DLGAP1: variants seen among roughly 807,000 people sequenced by gnomAD.
DLGAP1 encodes DLG associated protein 1.
A neutral mutation model predicts 90.8 loss-of-function variants in DLGAP1; 11 were observed. The ratio of observed to expected loss-of-function variants is 0.12; its 90% CI spans 0.08 to 0.20. The LOEUF (loss-of-function observed/expected upper bound fraction) is 0.20, where lower values mean the gene tolerates loss of function less well. Ranked by LOEUF, DLGAP1 falls within the 10% of genes least tolerant of loss-of-function variation. The probability of loss-of-function intolerance (pLI) is 1.00; values close to 1 mark genes in which losing one functional copy is unlikely to be tolerated. For synonymous variants in DLGAP1, 558 were observed against 540.7 expected (o/e 1.03, Z -0.44); for missense variants, 1,050 against 1,333.8 (o/e 0.79, Z 3.31).
intron 7 of DLGAP1, among the ~76,000 whole-genome samples, chr18:3,615,605 G>C (rs970264687): frequency 1.3e-5 from 2 of 152,136 alleles, no homozygotes; most frequent in Admixed American, 6.6e-5. Flanking sequence ...GATGGAGATG[G>C]GGGAGGCCAA....
intron 3 of DLGAP1, among the ~76,000 whole-genome samples, chr18:3,974,509 A>C (rs1319048646): frequency 6.6e-6 from 1 of 152,212 alleles, no homozygotes; most frequent in East Asian, 1.9e-4. Flanking sequence ...TCACTTTCTG[A>C]GGAGAGAAAA....
chr18:3,735,330 C>G (rs1405152778), intron 6 of DLGAP1, among the ~76,000 whole-genome samples: 2 of 152,236 alleles, frequency 1.3e-5, no homozygotes, highest in African/African-American at 4.8e-5. Flanking sequence ...AGCGATTCTT[C>G]TGCCTCAGCC....
intron 1 of DLGAP1, among the ~76,000 whole-genome samples, chr18:4,248,004 A>C (rs1361787883): frequency 6.6e-6 from 1 of 152,134 alleles, no homozygotes; most frequent in Non-Finnish European, 1.5e-5. Flanking sequence ...AAACCATTTT[A>C]ATTTTGGGAG....
At chr18:3,531,416 G>A (rs1167978430) in intron 10 of DLGAP1, among the ~76,000 whole-genome samples, 1 of 152,052 alleles carries the variant, frequency 6.6e-6, no homozygotes, top group African/African-American at 2.4e-5. Flanking sequence ...CAGCCTGGGT[G>A]ACAAGAGCAA....
intron 4 of DLGAP1, chr18:3,878,162 A>AC (rs2071051021): frequency 6.8e-6 from 1 of 146,822 alleles, no homozygotes; most frequent in East Asian, 2.0e-4. Context: ...TAGCTCAGTA[A>AC]TTTTTTTTTT....
intron 1 of DLGAP1, among the ~76,000 whole-genome samples, chr18:4,409,750 T>C (rs1339923381): frequency 6.6e-6 from 1 of 152,102 alleles, no homozygotes; most frequent in Non-Finnish European, 1.5e-5. Flanking sequence ...CTTAGCCCAG[T>C]TTTTGATGGG....
intron 10 of DLGAP1, among the ~76,000 whole-genome samples, chr18:3,522,325 C>T (rs777520233): frequency 6.6e-6 from 1 of 151,620 alleles, no homozygotes; most frequent in African/African-American, 2.4e-5. Flanking sequence ...TTAGTAGAGA[C>T]GGGGTTTCAC....
rs1456496624 is a variant in DLGAP1, at chr18:3,896,086, A to G, written c.-72-15946T>C. The G allele has an allele frequency of 2.0e-5, 3 of 152,248 alleles. No homozygotes were observed. The East Asian group carries it at 5.8e-4, about 29-fold the overall frequency. 9.4% of individuals were successfully genotyped at this position (152,248 alleles called of 1,614,324 possible). A position where few individuals can be genotyped will look rare whatever the true frequency, so the allele number is the denominator to read the frequency against. On this transcript the variant is annotated intron_variant, in intron 3 of 12. Coordinates refer to ENST00000315677, the MANE Select transcript of DLGAP1 (RefSeq NM_004746.4). ...CTTTATTAATGGGCTTATTACATGT[A>G]TGTGCTGAAAACTTGATATATGCTC...
chr18:4,028,469 G>T (rs868720091), intron 2 of DLGAP1, among the ~76,000 whole-genome samples: 2 of 152,114 alleles, frequency 1.3e-5, no homozygotes, highest in Non-Finnish European at 2.9e-5. Context: ...GGCACATCAC[G>T]CCAAATGTTG....
chr18:4,229,937 A>G (rs1345759193), intron 1 of DLGAP1, among the ~76,000 whole-genome samples: 1 of 152,142 alleles, frequency 6.6e-6, no homozygotes, highest in East Asian at 1.9e-4. Context: ...AAACAACTCC[A>G]TAGGAAGAAA....
chr18:3,759,748 C>G (rs563334223), intron 5 of DLGAP1, among the ~76,000 whole-genome samples: 2 of 152,290 alleles, frequency 1.3e-5, no homozygotes, highest in East Asian at 3.9e-4. Flanking sequence ...TGCAAGCAAG[C>G]AACCATAAGA....
At chr18:3,798,271 C>T (rs145379758) in intron 5 of DLGAP1, among the ~76,000 whole-genome samples, 93 of 152,208 alleles carry the variant, frequency 6.1e-4, no homozygotes, top group Middle Eastern at 3.4e-3. Flanking sequence ...CAGTGAGAGA[C>T]GAATAAAGGA....
chr18:4,427,995 T>C (rs1434555005), intron 1 of DLGAP1, among the ~76,000 whole-genome samples: 2 of 152,214 alleles, frequency 1.3e-5, no homozygotes, highest in East Asian at 3.9e-4. Context: ...AAGGTATGTA[T>C]TAAATTTCAC....
chr18:4,046,471 A>C (rs1198320899), intron 2 of DLGAP1, among the ~76,000 whole-genome samples: 1 of 152,234 alleles, frequency 6.6e-6, no homozygotes, highest in Non-Finnish European at 1.5e-5. Context: ...AACAATTCTT[A>C]GGATACAAAA....
chr18:3,551,722 C>CCTACCTTCCTT (rs2053473196), intron 9 of DLGAP1, among the ~76,000 whole-genome samples: 1 of 12,534 alleles, frequency 8.0e-5, no homozygotes, highest in African/African-American at 3.9e-4. Flanking sequence ...CTCCCTCCCT[C>CCTACCTTCCTT]CCTTCCTTCC....
intron 6 of DLGAP1, among the ~76,000 whole-genome samples, chr18:3,739,755 A>C (rs1229714191): frequency 6.8e-6 from 1 of 147,984 alleles, no homozygotes; most frequent in East Asian, 2.0e-4. Flanking sequence ...GTGCACATGT[A>C]CCCTAAAACT....
intron 11 of DLGAP1, 126 bp from the exon 12 acceptor site, chr18:3,502,771 G>GAGGTAAAAGTGAGGTTACA (rs1457998415): frequency 2.9e-6 from 3 of 1,026,264 alleles, no homozygotes; most frequent in East Asian, 2.5e-5. Flanking sequence ...TTTCCGACAC[G>GAGGTAAAAGTGAGGTTACA]AGGTAAAAGT....
At chr18:4,151,747 A>G (rs1465205287) in intron 1 of DLGAP1, among the ~76,000 whole-genome samples, 1 of 152,230 alleles carries the variant, frequency 6.6e-6, no homozygotes, top group Non-Finnish European at 1.5e-5. Flanking sequence ...CATTCTGGAA[A>G]AAAGCCACAG....
At chr18:3,601,794 C>T (rs1599474777) in intron 7 of DLGAP1, among the ~76,000 whole-genome samples, 2 of 148,978 alleles carry the variant, frequency 1.3e-5, no homozygotes, top group East Asian at 4.0e-4. Context: ...GCAGCAAGCC[C>T]AGATCACGCC....
Sources: allele counts gnomAD v4.1 joint callset (sites outside exome capture counted in the v4.1 genomes callset), GRCh38; gene constraint gnomAD v4.1.1; transcripts MANE v1.5; gene names NCBI Gene and HGNC (gene_info 2026-07-23, HGNC 2026-07-21).